Variants in FREM1 observed in about 807,000 individuals in gnomAD.
The protein encoded by FREM1 is FRAS1 related extracellular matrix 1.
FREM1 carries 220 observed loss-of-function variants against 210.1 expected under a neutral mutation model. The ratio of observed to expected loss-of-function variants is 1.05; its 90% CI spans 0.94 to 1.17. FREM1 has a LOEUF of 1.17. FREM1 is among the 50% of genes most tolerant of loss of function. The pLI, the probability that FREM1 is intolerant of heterozygous loss-of-function variation, is 0.00. For synonymous variants in FREM1, 1,189 were observed against 980.2 expected (o/e 1.21, Z -3.98); for missense variants, 3,454 against 2,675.5 (o/e 1.29, Z -6.42).
rs143382481 is a variant in FREM1 at position 14,868,729 on chromosome 9, G to A, written c.234+15C>T. On this transcript the variant is annotated intron_variant, in intron 2 of 36. Transcript: ENST00000380880. ...CATACACACGACTGAACAGAAAATC[G>A]CAGATAGGACCTACCTGTGGAGTGA... 71 of 1,520,284 alleles carry A rather than the reference G, an allele frequency of 4.7e-5. No homozygotes were observed. In the African/African-American group the frequency reaches 8.5e-4, roughly 18 times the overall value. 94.2% of individuals were successfully genotyped at this position (1,520,284 alleles called of 1,614,324 possible).
intron 2 of FREM1, among the ~76,000 whole-genome samples, chr9:14,866,984 C>T (rs748797341): frequency 1.3e-4 from 19 of 150,670 alleles, no homozygotes; most frequent in Non-Finnish European, 2.8e-4. Context: ...CTCAGCCTCC[C>T]GAGTAGCTAG....
intron 16 of FREM1, among the ~76,000 whole-genome samples, chr9:14,809,344 G>T (rs551168617): frequency 6.6e-6 from 1 of 152,182 alleles, no homozygotes; most frequent in Non-Finnish European, 1.5e-5. Context: ...CTAATACAGG[G>T]AGGAATTAAT....
At position 14,812,963 on chromosome 9, in the gene FREM1, A is replaced by T. The variant is rs768782094; in HGVS notation, c.2742T>A (p.Ile914=). The change falls in exon 16 of 37, where the codon ATT becomes ATA. Residue 914 remains isoleucine (I), a synonymous_variant. Coordinates refer to ENST00000380880, the MANE Select transcript of FREM1 (RefSeq NM_001379081.2). ...GGEVVITSEY[I]FATDVDSDNL... is the part of the protein sequence containing the mutation. ...TATCGCTGTCCACATCAGTAGCAAAAATGTATTCAGAGGTGATGACCACCT... is the reference window on the plus strand; with the variant it reads ...TATCGCTGTCCACATCAGTAGCAAATATGTATTCAGAGGTGATGACCACCT... 1.2e-6 allele frequency: 2 copies of T among 1,613,962 alleles called. No homozygotes were observed. The highest frequency in any genetic ancestry group is 1.7e-6 in the Non-Finnish European group (2 of 1,179,852).
intron 10 of FREM1, among the ~76,000 whole-genome samples, chr9:14,837,733 A>C (rs541723385): frequency 3.3e-4 from 51 of 152,308 alleles, no homozygotes; most frequent in South Asian, 2.9e-3. Context: ...GGGGGGAAAA[A>C]ATCATGACAC....
chr9:14,768,364 T>C (rs982050291), intron 27 of FREM1, among the ~76,000 whole-genome samples: 1 of 151,778 alleles, frequency 6.6e-6, no homozygotes, highest in Non-Finnish European at 1.5e-5. Flanking sequence ...GGAAGATATT[T>C]GTCTGACATT....
At position 14,882,464 on chromosome 9, in the gene FREM1, C is replaced by CTT. The variant is rs552968082; in HGVS notation, c.-267-13222_-267-13221dup. Among the ~76,000 whole-genome samples, 34 of 141,230 alleles carry CTT rather than the reference C, an allele frequency of 2.4e-4. 1 individual carries two copies. Among genetic ancestry groups the CTT allele is most frequent in the African/African-American group, 5.5e-4 (21 of 38,364 alleles). 92.7% of individuals were successfully genotyped at this position (141,230 alleles called of 152,430 possible). A position where few individuals can be genotyped will look rare whatever the true frequency, so the allele number is the denominator to read the frequency against. The stretch of plus-strand genomic sequence containing the variant: ...ATTATTTTTTTAATTTTCTTCTTAT[C>CTT]TTTTTTTTTTTTTTGAGATGGATTC... On this transcript the variant is annotated intron_variant, in intron 1 of 36. Transcript: ENST00000380880.
At chr9:14,797,686 A>C (rs1334189773) in intron 20 of FREM1, 44 bp from the exon 21 acceptor site, 1 of 1,515,866 alleles carries the variant, frequency 6.6e-7, no homozygotes, top group Non-Finnish European at 9.1e-7. Context: ...TTATGATTGA[A>C]CCATCATGAC....
chr9:14,749,915 T>G (rs767997761), intron 30 of FREM1, among the ~76,000 whole-genome samples: 10 of 152,228 alleles, frequency 6.6e-5, no homozygotes, highest in Admixed American at 2.6e-4. Context: ...CGGCACTGAC[T>G]TGTTGCTTTT....
At chr9:14,804,002 T>C (rs999604521) in intron 19 of FREM1, among the ~76,000 whole-genome samples, 1 of 152,178 alleles carries the variant, frequency 6.6e-6, no homozygotes, top group Non-Finnish European at 1.5e-5. Context: ...GAATAGATTA[T>C]TGAGATTAGG....
At chr9:14,865,644 A>C (rs1391747855) in intron 2 of FREM1, among the ~76,000 whole-genome samples, 1 of 149,310 alleles carries the variant, frequency 6.7e-6, no homozygotes, top group African/African-American at 2.5e-5. Flanking sequence ...AAGCTCTATT[A>C]AAGAATAATG....
chr9:14,804,061 T>C (rs939034193), intron 19 of FREM1, among the ~76,000 whole-genome samples: 10 of 152,210 alleles, frequency 6.6e-5, no homozygotes, highest in Admixed American at 6.5e-4. Flanking sequence ...ACCTGATTAG[T>C]AGACAGGTTT....
At position 14,824,011 on chromosome 9, in the gene FREM1, G is replaced by C; in HGVS notation, c.2169+14C>G. On this transcript the variant is annotated intron_variant, in intron 12 of 36. Coordinates refer to ENST00000380880, the MANE Select transcript of FREM1 (RefSeq NM_001379081.2). ...TTGCATCATGTTTGTCAGCATTTTA[G>C]CATATCCTCATACCTGAGTGAATGA... 1 of 1,526,526 alleles carries C rather than the reference G, an allele frequency of 6.6e-7. No individual in the cohort carries two copies. The highest frequency in any genetic ancestry group is 1.2e-5 in the South Asian group (1 of 83,548). 94.6% of individuals were successfully genotyped at this position (1,526,526 alleles called of 1,614,324 possible). A position where few individuals can be genotyped will look rare whatever the true frequency, so the allele number is the denominator to read the frequency against.
At chr9:14,908,922 G>A (rs941168666) in intron 1 of FREM1, among the ~76,000 whole-genome samples, 1 of 152,146 alleles carries the variant, frequency 6.6e-6, no homozygotes, top group Non-Finnish European at 1.5e-5. Context: ...AAGTTTCCTA[G>A]AGCTGCACTG....
Position 14,869,241 on chromosome 9 carries a change from A to C in FREM1, c.-264T>G, listed in dbSNP as rs1174072177. 7.9e-6 allele frequency: 3 copies of C among 379,736 alleles called. No homozygotes were observed. The highest frequency in any genetic ancestry group is 1.4e-5 in the Non-Finnish European group (3 of 210,480). 23.5% of individuals were successfully genotyped at this position (379,736 alleles called of 1,614,324 possible). A position where few individuals can be genotyped will look rare whatever the true frequency, so the allele number is the denominator to read the frequency against. On this transcript the variant is annotated 5_prime_UTR_variant, in exon 2 of 37. The change creates a new upstream start codon in the 5' untranslated region. Transcript: ENST00000380880. Reference sequence around the variant, plus strand: ...TAATGGGCTTCCCAAGTGCTTTTCTAATCCTGCAAATGGGAGAAGGGGTTG... The same window carrying C: ...TAATGGGCTTCCCAAGTGCTTTTCTCATCCTGCAAATGGGAGAAGGGGTTG...
intron 1 of FREM1, among the ~76,000 whole-genome samples, chr9:14,888,852 CT>C (rs1179048955): frequency 2.6e-5 from 4 of 152,192 alleles, no homozygotes; most frequent in African/African-American, 9.6e-5. Context: ...CTGAAAATAA[CT>C]TTTTTTAAAA....
chr9:14,737,694 G>T, intron 36 of FREM1, 99 bp from the exon 37 acceptor site: 1 of 953,280 alleles, frequency 1.0e-6, no homozygotes, highest in Non-Finnish European at 1.5e-6. Flanking sequence ...ACATGCAAGT[G>T]TGGGCCCAGG....
intron 15 of FREM1, 108 bp downstream of exon 15, chr9:14,816,670 G>A (rs957684736): frequency 1.9e-6 from 1 of 517,678 alleles, no homozygotes; most frequent in Middle Eastern, 2.9e-4. Flanking sequence ...CCAGAGTCAT[G>A]AGCCAAATAA....
chr9:14,903,590 C>T (rs1412838479), intron 1 of FREM1, among the ~76,000 whole-genome samples: 3 of 152,120 alleles, frequency 2.0e-5, no homozygotes, highest in East Asian at 1.9e-4. Context: ...TTCCTTCCTC[C>T]GATTGCAGGA....
At chr9:14,764,034 CAT>C (rs1563864034) in intron 27 of FREM1, among the ~76,000 whole-genome samples, 1 of 152,164 alleles carries the variant, frequency 6.6e-6, no homozygotes, top group African/African-American at 2.4e-5. Context: ...ATAATTCCCA[CAT>C]GTTGTGGGAG....
Sources: gnomAD v4.1 joint callset for allele counts (sites outside exome capture counted in the v4.1 genomes callset) on GRCh38, gnomAD v4.1.1 for gene constraint, MANE v1.5 for transcripts, NCBI Gene and HGNC (gene_info 2026-07-23, HGNC 2026-07-21) for gene names.